The following PKD1L3 variants were observed in gnomAD, a reference collection of about 807,000 sequenced individuals.
PKD1L3 encodes the protein polycystin 1 like 3, transient receptor potential channel interacting, also known as polycystin-1-like protein 3.
A neutral mutation model predicts 184.1 loss-of-function variants in PKD1L3; 239 were observed. The observed-to-expected ratio is 1.30, with a 90% CI of 1.17 to 1.45. PKD1L3 has a LOEUF of 1.45. PKD1L3 is among the 40% of genes most tolerant of loss of function. The pLI is 0.00. For synonymous variants in PKD1L3, 996 were observed against 778.8 expected (o/e 1.28, Z -4.64); for missense variants, 2,660 against 2,067.2 (o/e 1.29, Z -5.56).
chr16:71,945,250 A>G (rs1452673204), intron 22 of PKD1L3, among the ~76,000 whole-genome samples: 1 of 130,488 alleles, frequency 7.7e-6, no homozygotes, highest in East Asian at 2.2e-4. Context: ...GAGGCCTAAG[A>G]TTCTGAATTT....
rs2040665113 is a variant in PKD1L3 at position 71,993,350 on chromosome 16, C to G, written c.419-18G>C. On this transcript the variant is annotated intron_variant, in intron 2 of 29. Coordinates refer to ENST00000620267, the MANE Select transcript of PKD1L3 (RefSeq NM_181536.2). The stretch of plus-strand genomic sequence containing the variant: ...AAAGTCACCTATTTGAAAGCCAACA[C>G]ACAAGTTAATTTATAGGTTATAGCT... 6.8e-7 allele frequency: 1 copy of G among 1,466,616 alleles called. No individual in the cohort carries two copies. The highest frequency in any genetic ancestry group is 1.4e-5 in the African/African-American group (1 of 70,172). The allele number at this position is 1,466,616 out of a possible 1,614,324, so 90.9% of individuals were successfully genotyped here. A position where few individuals can be genotyped will look rare whatever the true frequency, so the allele number is the denominator to read the frequency against.
At position 71,982,248 on chromosome 16, in the gene PKD1L3, G is replaced by A; in HGVS notation, c.967-13C>T. 9.3e-6 allele frequency: 9 copies of A among 970,830 alleles called. No homozygotes were observed. Among genetic ancestry groups the A allele is most frequent in the Middle Eastern group, 2.9e-4 (1 of 3,454 alleles). The allele number at this position is 970,830 out of a possible 1,614,324, so 60.1% of individuals were successfully genotyped here. Reference sequence around the variant, plus strand: ...TGATGAGATTAACCTGGGAGGATTAGAAAGCAAACATACACCCTTGAATTG... The same window carrying A: ...TGATGAGATTAACCTGGGAGGATTAAAAAGCAAACATACACCCTTGAATTG... On this transcript the variant is annotated splice_polypyrimidine_tract_variant and intron_variant, in intron 6 of 29. Coordinates refer to ENST00000620267, the MANE Select transcript of PKD1L3 (RefSeq NM_181536.2).
chr16:71,999,671 C>T lies in PKD1L3; in HGVS notation c.295+13G>A, dbSNP rs1049111710. ...GAAGTTTCCTTCATAAACACTGAAC[C>T]CCAGGGTCTTACCTGGGTATTTGTT... On this transcript the variant is annotated intron_variant, in intron 1 of 29. Transcript: ENST00000620267. 1.3e-6 allele frequency: 2 copies of T among 1,513,302 alleles called. No homozygotes were observed. The allele number at this position is 1,513,302 out of a possible 1,614,324, so 93.7% of individuals were successfully genotyped here.
intron 15 of PKD1L3, among the ~76,000 whole-genome samples, chr16:71,964,320 T>TC: frequency 8.5e-5 from 2 of 23,654 alleles, no homozygotes; most frequent in Non-Finnish European, 1.6e-4. Flanking sequence ...TTTTTTTTTT[T>TC]TTTTTTTTTT....
At chr16:71,993,711 C>T (rs1194600183) in intron 2 of PKD1L3, among the ~76,000 whole-genome samples, 2 of 152,140 alleles carry the variant, frequency 1.3e-5, no homozygotes, top group Non-Finnish European at 2.9e-5. Flanking sequence ...CCATACTAAG[C>T]GTAATATTCT....
intron 15 of PKD1L3, among the ~76,000 whole-genome samples, chr16:71,963,907 T>C (rs952698400): frequency 6.6e-6 from 1 of 152,224 alleles, no homozygotes; most frequent in African/African-American, 2.4e-5. Flanking sequence ...TATCTACACA[T>C]TTTATAACCT....
intron 1 of PKD1L3, 21 bp from the exon 2 acceptor site, chr16:71,998,415 G>C: frequency 6.5e-7 from 1 of 1,537,446 alleles, no homozygotes; most frequent in Non-Finnish European, 8.7e-7. Flanking sequence ...ATCAGACGCA[G>C]ATGAGCCTCA....
At chr16:71,999,640 T>C in intron 1 of PKD1L3, 44 bp downstream of exon 1, 1 of 1,404,996 alleles carries the variant, frequency 7.1e-7, no homozygotes, top group Non-Finnish European at 9.4e-7. Flanking sequence ...CAGAATAAAA[T>C]ATAAGGAAGT....
chr16:71,979,560 A>G (rs1417510393), intron 9 of PKD1L3, among the ~76,000 whole-genome samples: 1 of 152,246 alleles, frequency 6.6e-6, no homozygotes, highest in Non-Finnish European at 1.5e-5. Context: ...TACAACACAA[A>G]TTTAGTTAAA....
At chr16:71,992,117 C>T (rs2040611581) in intron 3 of PKD1L3, among the ~76,000 whole-genome samples, 1 of 152,134 alleles carries the variant, frequency 6.6e-6, no homozygotes, top group South Asian at 2.1e-4. Flanking sequence ...CACCGTATTA[C>T]ACCCAAGCCA....
In PKD1L3 at chr16:71,935,656, T is replaced by G. The variant is rs958505826; in HGVS notation, c.4453-138A>C. 3.1e-5 allele frequency: 24 copies of G among 785,146 alleles called. 1 individual carries two copies. In the Admixed American group the frequency reaches 3.8e-4, roughly 12 times the overall value. 48.6% of individuals were successfully genotyped at this position (785,146 alleles called of 1,614,324 possible). On this transcript the variant is annotated intron_variant, in intron 25 of 29. Coordinates refer to ENST00000620267, the MANE Select transcript of PKD1L3 (RefSeq NM_181536.2). ...ATTTATCAGATCTCACTTGGACAAATGGGTTATGGTCTTAGTTCAGGTCTG... is the reference window on the plus strand; with the variant it reads ...ATTTATCAGATCTCACTTGGACAAAGGGGTTATGGTCTTAGTTCAGGTCTG...
Position 71,942,595 on chromosome 16 carries a change from C to CT in PKD1L3, c.4288dup (p.Ser1430LysfsTer4). On this transcript the variant is annotated frameshift_variant, in exon 24 of 30. Transcript: ENST00000620267. LOFTEE classifies it high-confidence loss of function. ...GTAACTGAATCCATTCTCATTCTTG[C>CT]TTGTCAGCCTTTCGTGAAGCTCATC... The CT allele has an allele frequency of 6.4e-7, 1 of 1,551,614 alleles. No homozygotes were observed. The highest frequency in any genetic ancestry group is 8.7e-7 in the Non-Finnish European group (1 of 1,146,986).
At chr16:71,944,751 G>A (rs2038501772) in intron 22 of PKD1L3, among the ~76,000 whole-genome samples, 2 of 147,540 alleles carry the variant, frequency 1.4e-5, no homozygotes, top group East Asian at 2.0e-4. Context: ...CGAGGCTGGA[G>A]TGCAATGCAT....
rs757873632 is a variant in PKD1L3 at position 71,977,276 on chromosome 16, G to C, written c.1719C>G (p.His573Gln). The C allele has an allele frequency of 9.8e-6, 15 of 1,537,432 alleles. No individual in the cohort carries two copies. The African/African-American group carries it at 1.5e-4, about 16-fold the overall frequency. Residue 573 changes from histidine (H) to glutamine (Q), a missense_variant, in exon 11 of 30, where the codon CAC (histidine) becomes CAG (glutamine). Transcript: ENST00000620267. ...TATCCTTTGGAAGGGTGATGTTCAG[G>C]TGGAAGTGAGTGCAGTTAGGCTGAT... Reference protein sequence around the residue: ...FQYQPNCTHFHLNITLPKDKV... With the variant: ...FQYQPNCTHFQLNITLPKDKV...
chr16:71,973,559 CA>C (rs2039804022), intron 11 of PKD1L3, 42 bp from the exon 12 acceptor site: 1 of 1,480,802 alleles, frequency 6.8e-7, no homozygotes. Context: ...TCAAATGGAA[CA>C]AAAACACCAA....
At chr16:71,994,992 A>G (rs1373150750) in intron 2 of PKD1L3, among the ~76,000 whole-genome samples, 4 of 150,302 alleles carry the variant, frequency 2.7e-5, no homozygotes, top group African/African-American at 9.9e-5. Context: ...CCATCTCAAG[A>G]AAAAAAAACA....
At chr16:71,941,381 C>A (rs1597286669) in intron 24 of PKD1L3, among the ~76,000 whole-genome samples, 1 of 151,530 alleles carries the variant, frequency 6.6e-6, no homozygotes, top group Non-Finnish European at 1.5e-5. Flanking sequence ...AAATTAAATA[C>A]TGCAGATATT....
intron 28 of PKD1L3, 158 bp from the exon 29 acceptor site, chr16:71,930,341 T>A: frequency 1.5e-6 from 1 of 664,646 alleles, no homozygotes; most frequent in Non-Finnish European, 2.3e-6. Flanking sequence ...AAAATACTTT[T>A]AAATGGACAG....
Position 71,935,372 on chromosome 16 carries a change from G to A in PKD1L3, c.4599C>T (p.Arg1533=), listed in dbSNP as rs1272677452. ...SLHKKNMARY[R]DDQDRFISFY... ...CTTCCTCTCACCTGTCCTGGTCATC[G>A]CGGTATCGTGCCATGTTTTTCTTAT... The change falls in exon 26 of 30, where the codon CGC becomes CGT. Residue 1533 remains arginine, a synonymous_variant. Coordinates refer to ENST00000620267, the MANE Select transcript of PKD1L3 (RefSeq NM_181536.2). 6.4e-6 allele frequency: 10 copies of A among 1,551,526 alleles called. No individual in the cohort carries two copies. The highest frequency in any genetic ancestry group is 3.6e-5 in the South Asian group (3 of 83,996).
Sources: allele counts gnomAD v4.1 joint callset (sites outside exome capture counted in the v4.1 genomes callset), GRCh38; gene constraint gnomAD v4.1.1; transcripts MANE v1.5; gene names NCBI Gene and HGNC (gene_info 2026-07-23, HGNC 2026-07-21).